OXSR1: variants seen among roughly 807,000 people sequenced by gnomAD.
OXSR1 encodes serine/threonine-protein kinase OSR1.
In OXSR1, 24 loss-of-function variants were observed where a neutral mutation model predicts 79.8. That is an observed-to-expected ratio of 0.30 (90% CI 0.22 to 0.42). The LOEUF is 0.42. OXSR1 is among the 10% of genes least tolerant of loss of function. The pLI is 1.00. For synonymous variants in OXSR1, 226 were observed against 209.2 expected (o/e 1.08, Z -0.69); for missense variants, 430 against 618.4 (o/e 0.70, Z 3.23).
At chr3:38,231,284 C>G (rs1367471521) in intron 10 of OXSR1, among the ~76,000 whole-genome samples, 1 of 151,860 alleles carries the variant, frequency 6.6e-6, no homozygotes, top group African/African-American at 2.4e-5. Flanking sequence ...AGAGATATAT[C>G]TTTTTCAGTG....
In OXSR1 at chr3:38,232,299, C is replaced by G. The variant is rs77396618; in HGVS notation, c.951+1869C>G. On this transcript the variant is annotated intron_variant, in intron 10 of 17. Transcript: ENST00000311806. ...TAATGAGCTATGGTGGCATACACCT[C>G]TGGTCCCGGCTATTCAGGATGTTGA... is the stretch of plus-strand genomic sequence containing the variant. 3.9e-5 allele frequency among the ~76,000 whole-genome samples: 6 copies of G among 152,090 alleles called. No homozygotes were observed. The East Asian group carries it at 1.2e-3, about 29-fold the overall frequency.
intron 10 of OXSR1, among the ~76,000 whole-genome samples, chr3:38,232,718 C>G (rs1034368160): frequency 2.0e-5 from 3 of 152,132 alleles, no homozygotes; most frequent in African/African-American, 7.2e-5. Context: ...CAAGATCATG[C>G]CACTGCACTC....
At chr3:38,201,648 T>C (rs1352229857) in intron 4 of OXSR1, among the ~76,000 whole-genome samples, 1 of 151,814 alleles carries the variant, frequency 6.6e-6, no homozygotes, top group Non-Finnish European at 1.5e-5. Flanking sequence ...AGACGGAGCT[T>C]GTGGTGAGCC....
chr3:38,234,208 T>A (rs1037033954), intron 10 of OXSR1, among the ~76,000 whole-genome samples: 1 of 152,184 alleles, frequency 6.6e-6, no homozygotes, highest in Admixed American at 6.5e-5. Flanking sequence ...TCCTTAGATA[T>A]GATACCAAAA....
intron 10 of OXSR1, among the ~76,000 whole-genome samples, chr3:38,233,126 G>A (rs1253811887): frequency 6.6e-6 from 1 of 152,126 alleles, no homozygotes; most frequent in African/African-American, 2.4e-5. Context: ...TCTGCAGAAG[G>A]GTAAAAGAAA....
chr3:38,194,285 C>A (rs1172805755), intron 3 of OXSR1, among the ~76,000 whole-genome samples: 1 of 152,156 alleles, frequency 6.6e-6, no homozygotes, highest in Non-Finnish European at 1.5e-5. Flanking sequence ...TGAGGTGGCT[C>A]ATGCCTGCTG....
In OXSR1 at chr3:38,255,223, A is replaced by G. The variant is rs1575383337; in HGVS notation, c.*2332A>G. On this transcript the variant is annotated 3_prime_UTR_variant, in exon 18 of 18. Coordinates refer to ENST00000311806, the MANE Select transcript of OXSR1 (RefSeq NM_005109.3). ...GCACAAAGTAATATGTGCCAATGCT[A>G]TTTGTGAAATGTTTGGTCTTTCTAA... 1 of 152,586 alleles carries G rather than the reference A, an allele frequency of 6.6e-6. No homozygotes were observed. The highest frequency in any genetic ancestry group is 2.4e-5 in the African/African-American group (1 of 41,426). 9.5% of individuals were successfully genotyped at this position (152,586 alleles called of 1,614,324 possible).
At chr3:38,171,237 G>A (rs1180519239) in intron 1 of OXSR1, among the ~76,000 whole-genome samples, 1 of 152,144 alleles carries the variant, frequency 6.6e-6, no homozygotes, top group Admixed American at 6.5e-5. Context: ...GCAAGTTTCA[G>A]TAAAGCATTG....
chr3:38,199,610 C>G (rs1702126841), intron 4 of OXSR1, among the ~76,000 whole-genome samples: 1 of 152,070 alleles, frequency 6.6e-6, no homozygotes, highest in Admixed American at 6.5e-5. Context: ...GTTAAGTGCC[C>G]TGTTTAGGTT....
At chr3:38,231,353 A>G (rs1215174143) in intron 10 of OXSR1, among the ~76,000 whole-genome samples, 6 of 152,178 alleles carry the variant, frequency 3.9e-5, no homozygotes, top group Non-Finnish European at 8.8e-5. Context: ...AAAAGAAAGA[A>G]ACATGGACAA....
chr3:38,165,761 C>T lies in OXSR1; in HGVS notation c.-116C>T. The T allele has an allele frequency of 1.1e-6, 1 of 934,920 alleles. No homozygotes were observed. The highest frequency in any genetic ancestry group is 1.6e-6 in the Non-Finnish European group (1 of 607,326). 57.9% of individuals were successfully genotyped at this position (934,920 alleles called of 1,614,324 possible). A position where few individuals can be genotyped will look rare whatever the true frequency, so the allele number is the denominator to read the frequency against. On this transcript the variant is annotated 5_prime_UTR_variant, in exon 1 of 18. In the 5' UTR this introduces an upstream ATG that the reference lacks. Transcript: ENST00000311806. ...CGTCCGACCCGTGGCTGTTCCGAGA[C>T]GATTGGTGGGGGCGCGGCGGCGGCG...
rs1703303104 is a variant in OXSR1 at position 38,253,591 on chromosome 3, A to AT, written c.*700_*701insT. 6.5e-6 allele frequency: 1 copy of AT among 152,680 alleles called. No individual in the cohort carries two copies. The highest frequency in any genetic ancestry group is 1.5e-5 in the Non-Finnish European group (1 of 68,090). The allele number at this position is 152,680 out of a possible 1,614,324, so 9.5% of individuals were successfully genotyped here. A position where few individuals can be genotyped will look rare whatever the true frequency, so the allele number is the denominator to read the frequency against. On this transcript the variant is annotated 3_prime_UTR_variant, in exon 18 of 18. Coordinates refer to ENST00000311806, the MANE Select transcript of OXSR1 (RefSeq NM_005109.3). The stretch of plus-strand genomic sequence containing the variant: ...TGACTGTAGCCGAACTTCAGCCATC[A>AT]GATCCTTCAAAGTGGAACTTTGGAT...
intron 3 of OXSR1, 49 bp from the exon 4 acceptor site, chr3:38,198,673 A>G: frequency 6.9e-7 from 1 of 1,449,176 alleles, no homozygotes; most frequent in East Asian, 2.3e-5. Flanking sequence ...GATCTGAATT[A>G]TATTGAATGA....
chr3:38,228,171 T>C (rs888900055), intron 8 of OXSR1, among the ~76,000 whole-genome samples: 2 of 152,184 alleles, frequency 1.3e-5, no homozygotes, highest in Admixed American at 1.3e-4. Context: ...AGTCAGACTA[T>C]CATTCAAGAA....
intron 1 of OXSR1, among the ~76,000 whole-genome samples, chr3:38,167,086 G>A (rs1003805635): frequency 5.9e-5 from 9 of 152,198 alleles, no homozygotes; most frequent in Admixed American, 3.3e-4. Context: ...AGAGAGGGAA[G>A]GGAGGAGCCA....
chr3:38,244,670 T>TGTGTGTGTGTGTGTGCGCGCAC, intron 12 of OXSR1, among the ~76,000 whole-genome samples: 1 of 149,736 alleles, frequency 6.7e-6, no homozygotes, highest in South Asian at 2.1e-4. Context: ...TGTGTGTGCG[T>TGTGTGTGTGTGTGTGCGCGCAC]GCGCATGTAC....
intron 4 of OXSR1, among the ~76,000 whole-genome samples, chr3:38,207,695 A>G (rs897987603): frequency 2.6e-5 from 4 of 152,156 alleles, no homozygotes; most frequent in African/African-American, 7.2e-5. Flanking sequence ...AAGAACACCT[A>G]TGTTAAGGGA....
chr3:38,179,028 CT>C (rs35570159), intron 1 of OXSR1, among the ~76,000 whole-genome samples: 2,759 of 103,532 alleles, frequency 0.027, 73 homozygotes, highest in African/African-American at 0.089. Context: ...CCACACCTGG[CT>C]TTTTTTTTTT....
intron 1 of OXSR1, among the ~76,000 whole-genome samples, chr3:38,166,789 C>CAAAAAAAAAAAAAA (rs915290107): frequency 1.6e-5 from 1 of 63,820 alleles, no homozygotes; most frequent in Non-Finnish European, 3.1e-5. Context: ...GACTCTGACT[C>CAAAAAAAAAAAAAA]AAAAAAAAAA....
Sources: gnomAD v4.1 joint callset for allele counts (sites outside exome capture counted in the v4.1 genomes callset) on GRCh38, gnomAD v4.1.1 for gene constraint, MANE v1.5 for transcripts, NCBI Gene and HGNC (gene_info 2026-07-23, HGNC 2026-07-21) for gene names.